Variants in LUZP2 observed in about 807,000 individuals in gnomAD.
LUZP2 encodes leucine zipper protein 2.
Under a neutral mutation model 51.6 loss-of-function variants are expected in LUZP2, and 52 were observed. The ratio of observed to expected loss-of-function variants is 1.01; its 90% CI spans 0.81 to 1.27. The LOEUF is 1.27. Ranked by LOEUF, LUZP2 falls within the 50% of genes most tolerant of loss-of-function variation. LUZP2 has a pLI of 0.00. For synonymous variants in LUZP2, 154 were observed against 137.3 expected (o/e 1.12, Z -0.85); for missense variants, 436 against 395.4 (o/e 1.10, Z -0.87).
chr11:24,982,888 T>C (rs1451216354), intron 8 of LUZP2, among the ~76,000 whole-genome samples: 2 of 151,838 alleles, frequency 1.3e-5, no homozygotes, highest in Non-Finnish European at 2.9e-5. Context: ...GAGAAAGTAA[T>C]AAGACATATC....
chr11:24,958,382 G>A (rs552211301), intron 7 of LUZP2, among the ~76,000 whole-genome samples: 2 of 152,212 alleles, frequency 1.3e-5, no homozygotes, highest in Admixed American at 1.3e-4. Context: ...GTGTAAAAGT[G>A]TTCCTATTTC....
intron 5 of LUZP2, among the ~76,000 whole-genome samples, chr11:24,781,812 T>C (rs1168573900): frequency 6.6e-6 from 1 of 152,016 alleles, no homozygotes; most frequent in Non-Finnish European, 1.5e-5. Context: ...CCTTACCCAA[T>C]ACATTAAAAA....
At chr11:24,639,579 G>A (rs1855214445) in intron 1 of LUZP2, among the ~76,000 whole-genome samples, 1 of 151,670 alleles carries the variant, frequency 6.6e-6, no homozygotes, top group Admixed American at 6.6e-5. Flanking sequence ...AGCCTCCTGA[G>A]TAGATGGAAT....
chr11:24,698,979 G>T (rs1857335634), intron 1 of LUZP2, among the ~76,000 whole-genome samples: 2 of 151,940 alleles, frequency 1.3e-5, no homozygotes, highest in Non-Finnish European at 2.9e-5. Context: ...GATCGATTGA[G>T]CCTGGGAGGT....
At chr11:24,825,156 A>G (rs983108341) in intron 5 of LUZP2, among the ~76,000 whole-genome samples, 8 of 152,266 alleles carry the variant, frequency 5.3e-5, no homozygotes, top group East Asian at 1.9e-4. Context: ...TAGTTTTTCA[A>G]TCTATTTAAT....
chr11:25,021,580 G>C, intron 9 of LUZP2, among the ~76,000 whole-genome samples: 1 of 151,942 alleles, frequency 6.6e-6, no homozygotes. Context: ...TATTAATGGT[G>C]AGAAGAATAG....
At chr11:24,500,864 T>C (rs1849972145) in intron 1 of LUZP2, among the ~76,000 whole-genome samples, 1 of 152,206 alleles carries the variant, frequency 6.6e-6, no homozygotes. Context: ...TTTTGGAATC[T>C]ATTTTTAGAT....
intron 5 of LUZP2, 25 bp from the exon 6 acceptor site, chr11:24,905,966 A>C (rs778978200): frequency 6.4e-7 from 1 of 1,551,328 alleles, no homozygotes; most frequent in Non-Finnish European, 8.9e-7. Context: ...TCTTCTTTGC[A>C]ATAAAACTAT....
intron 5 of LUZP2, among the ~76,000 whole-genome samples, chr11:24,860,755 A>G (rs557438454): frequency 3.9e-5 from 6 of 152,214 alleles, no homozygotes; most frequent in African/African-American, 1.4e-4. Context: ...AACAACAACA[A>G]CTGCATCAAC....
chr11:24,516,842 T>C (rs1367842457), intron 1 of LUZP2, among the ~76,000 whole-genome samples: 1 of 152,234 alleles, frequency 6.6e-6, no homozygotes, highest in African/African-American at 2.4e-5. Flanking sequence ...TGCCTGTTTA[T>C]GTGACTTATG....
At chr11:24,671,018 T>C (rs574471807) in intron 1 of LUZP2, among the ~76,000 whole-genome samples, 129 of 152,022 alleles carry the variant, frequency 8.5e-4, no homozygotes, top group African/African-American at 3.1e-3. Flanking sequence ...CTGGGTATTG[T>C]GTATATTTTT....
At chr11:24,569,853 A>T (rs1204216435) in intron 1 of LUZP2, among the ~76,000 whole-genome samples, 2 of 147,826 alleles carry the variant, frequency 1.4e-5, no homozygotes, top group East Asian at 1.9e-4. Context: ...TCACTTTTTT[A>T]AAAAAATTTA....
intron 5 of LUZP2, among the ~76,000 whole-genome samples, chr11:24,840,962 A>T (rs1490579102): frequency 6.6e-6 from 1 of 152,048 alleles, no homozygotes; most frequent in African/African-American, 2.4e-5. Context: ...ATTAAATAGA[A>T]GTATATGGAT....
chr11:24,589,441 C>T (rs530070963), intron 1 of LUZP2, among the ~76,000 whole-genome samples: 40 of 152,278 alleles, frequency 2.6e-4, no homozygotes, highest in African/African-American at 8.7e-4. Context: ...GTTCCTGTGG[C>T]TCCATGACTT....
intron 10 of LUZP2, among the ~76,000 whole-genome samples, chr11:25,058,720 T>A (rs988080335): frequency 6.6e-6 from 1 of 152,200 alleles, no homozygotes; most frequent in Non-Finnish European, 1.5e-5. Context: ...TTGGGGGACA[T>A]TGATGTCAGA....
chr11:24,756,797 C>A (rs1859792749), intron 4 of LUZP2, among the ~76,000 whole-genome samples: 1 of 152,138 alleles, frequency 6.6e-6, no homozygotes, highest in Non-Finnish European at 1.5e-5. Context: ...AGTGTCAGAT[C>A]CCACAGGTTG....
intron 7 of LUZP2, among the ~76,000 whole-genome samples, chr11:24,965,454 A>G (rs1855553120): frequency 6.6e-6 from 1 of 151,666 alleles, no homozygotes; most frequent in Non-Finnish European, 1.5e-5. Flanking sequence ...TTTGATAGCC[A>G]TTGAAATCAA....
intron 5 of LUZP2, among the ~76,000 whole-genome samples, chr11:24,874,471 A>C (rs890761520): frequency 6.6e-6 from 1 of 152,132 alleles, no homozygotes; most frequent in African/African-American, 2.4e-5. Context: ...ATGGTTACAT[A>C]ACTGATTATA....
chr11:24,950,543 C>G lies in LUZP2; in HGVS notation c.523-26048C>G, dbSNP rs141101733. ...TTATGAGGCATGCAACCTCTCTAACCGTAAGGATAAGCTAGTGACATGTGA... is the reference window on the plus strand; with the variant it reads ...TTATGAGGCATGCAACCTCTCTAACGGTAAGGATAAGCTAGTGACATGTGA... On this transcript the variant is annotated intron_variant, in intron 7 of 11. Transcript: ENST00000336930. Among the ~76,000 whole-genome samples the G allele has an allele frequency of 5.8e-3, 883 of 151,506 alleles. 9 individuals carry two copies. Among genetic ancestry groups the G allele is most frequent in the African/African-American group, 0.019 (798 of 41,432 alleles).
Sources: allele counts gnomAD v4.1 joint callset (sites outside exome capture counted in the v4.1 genomes callset), GRCh38; gene constraint gnomAD v4.1.1; transcripts MANE v1.5; gene names NCBI Gene and HGNC (gene_info 2026-07-23, HGNC 2026-07-21).